ASIC1: variants seen among roughly 807,000 people sequenced by gnomAD.
The protein encoded by ASIC1 is acid-sensing ion channel 1.
In ASIC1, 21 loss-of-function variants were observed where a neutral mutation model predicts 63.4. That is an observed-to-expected ratio of 0.33 (90% CI 0.23 to 0.48). The LOEUF is 0.48. ASIC1 is among the 20% of genes least tolerant of loss of function. The pLI, the probability that ASIC1 is intolerant of heterozygous loss-of-function variation, is 0.99. For synonymous variants in ASIC1, 258 were observed against 278.2 expected (o/e 0.93, Z 0.72); for missense variants, 478 against 695.5 (o/e 0.69, Z 3.52).
At chr12:50,077,476 C>T (rs1006652956) in intron 4 of ASIC1, 113 bp downstream of exon 4, 11 of 1,409,402 alleles carry the variant, frequency 7.8e-6, no homozygotes, top group Non-Finnish European at 9.6e-6. Context: ...TCCCCTCTCC[C>T]TCCAGCATCT....
At chr12:50,061,815 C>T (rs905624299) in intron 3 of ASIC1, among the ~76,000 whole-genome samples, 4 of 152,182 alleles carry the variant, frequency 2.6e-5, no homozygotes, top group Non-Finnish European at 4.4e-5. Flanking sequence ...AATGGAGACA[C>T]TGAGATGTGA....
In ASIC1 at chr12:50,082,013, T is replaced by G; in HGVS notation, c.*364T>G. On this transcript the variant is annotated 3_prime_UTR_variant, in exon 12 of 12. Coordinates refer to ENST00000447966, the MANE Select transcript of ASIC1 (RefSeq NM_001095.4). ...TGCTGCCACCAGTCACCAAAGGCCC[T>G]TCCCAGTGAGGGGTGGAAGGGATCT... is the stretch of plus-strand genomic sequence containing the variant. 1 of 247,260 alleles carries G rather than the reference T, an allele frequency of 4.0e-6. No individual in the cohort carries two copies. The allele number at this position is 247,260 out of a possible 1,614,324, so 15.3% of individuals were successfully genotyped here.
At chr12:50,066,377 G>T (rs895281483) in intron 3 of ASIC1, among the ~76,000 whole-genome samples, 1 of 152,148 alleles carries the variant, frequency 6.6e-6, no homozygotes, top group Non-Finnish European at 1.5e-5. Flanking sequence ...AGTGTGTATG[G>T]AGGAGGGTGC....
Position 50,078,606 on chromosome 12 carries a change from T to C in ASIC1, c.994+29T>C, listed in dbSNP as rs1006932763. 4 of 1,612,344 alleles carry C rather than the reference T, an allele frequency of 2.5e-6. No homozygotes were observed. In the African/African-American group the frequency reaches 4.0e-5, roughly 16 times the overall value. ...AGGCCTGGGGCTCCGAGCATACTCCTGGGGTCCCTGGGCCTTTGCTGCCCT... is the reference window on the plus strand; with the variant it reads ...AGGCCTGGGGCTCCGAGCATACTCCCGGGGTCCCTGGGCCTTTGCTGCCCT... On this transcript the variant is annotated intron_variant, in intron 6 of 11. Coordinates refer to ENST00000447966, the MANE Select transcript of ASIC1 (RefSeq NM_001095.4). This position sits in a 1 kb window ranked among gnomAD's most constrained non-coding sequence, Gnocchi z 6.0.
At chr12:50,076,881 C>T (rs561633559) in intron 3 of ASIC1, 17 of 477,918 alleles carry the variant, frequency 3.6e-5, no homozygotes, top group Middle Eastern at 3.1e-4. Flanking sequence ...TACAGAGGGG[C>T]GAGGGCTGGG....
chr12:50,078,001 C>T lies in ASIC1; in HGVS notation c.711C>T (p.Asp237=), dbSNP rs199702396. The T allele has an allele frequency of 2.3e-4, 376 of 1,610,276 alleles. 1 individual carries two copies. The highest frequency in any genetic ancestry group is 3.3e-4 in the Middle Eastern group (2 of 6,040). Residue 237 remains aspartate (D), a splice_region_variant and synonymous_variant, in exon 5 of 12, where the codon GAC becomes GAT. Transcript: ENST00000447966. The surrounding 1 kb of genome is among the most constrained non-coding windows in gnomAD (Gnocchi z 6.0). ...CCCACACACTCCTCATTCCCCTAGA[C>T]GAGACGTCCTTCGAAGCAGGCATCA... ...DEYLPVWGET[D]ETSFEAGIKV...
In ASIC1 at chr12:50,067,105, T is replaced by G. The variant is rs559958094; in HGVS notation, c.558+7151T>G. On this transcript the variant is annotated intron_variant, in intron 3 of 11. Transcript: ENST00000447966. ...CTATGTATCGGTCTTTGTGCTAAGA[T>G]AAAAACTAAAACATGTGTCTCTCAA... 3.7e-3 allele frequency among the ~76,000 whole-genome samples: 125 copies of G among 33,462 alleles called. 1 individual carries two copies. Among genetic ancestry groups the G allele is most frequent in the Admixed American group, 0.033 (121 of 3,720 alleles). The allele number at this position is 33,462 out of a possible 152,430, so 22.0% of individuals were successfully genotyped here. A position where few individuals can be genotyped will look rare whatever the true frequency, so the allele number is the denominator to read the frequency against.
In ASIC1 at chr12:50,058,899, C is replaced by T; in HGVS notation, c.133C>T (p.Leu45=). 1 of 1,614,170 alleles carries T rather than the reference C, an allele frequency of 6.2e-7. No individual in the cohort carries two copies. The highest frequency in any genetic ancestry group is 8.5e-7 in the Non-Finnish European group (1 of 1,180,020). Residue 45 remains leucine (L), a synonymous_variant, in exon 2 of 12, where the codon CTG becomes TTG. Coordinates refer to ENST00000447966, the MANE Select transcript of ASIC1 (RefSeq NM_001095.4). ...CGAGCGGCTGTCTCTGAAGCGGGCA[C>T]TGTGGGCCCTGTGCTTCCTGGGCTC... The part of the protein sequence containing the change: ...SYERLSLKRA[L]WALCFLGSLA...
At chr12:50,064,611 G>C (rs1169278717) in intron 3 of ASIC1, among the ~76,000 whole-genome samples, 14 of 152,176 alleles carry the variant, frequency 9.2e-5, no homozygotes, top group African/African-American at 3.4e-4. Context: ...GCACCTCTAA[G>C]TCTTGGGACT....
intron 3 of ASIC1, among the ~76,000 whole-genome samples, chr12:50,060,386 A>T (rs1444197741): frequency 6.6e-6 from 1 of 152,192 alleles, no homozygotes. Flanking sequence ...CACTTCCCAA[A>T]CCTACTGAAC....
Position 50,066,533 on chromosome 12 carries a change from A to G in ASIC1, c.558+6579A>G, listed in dbSNP as rs139247892. Among the ~76,000 whole-genome samples the G allele has an allele frequency of 1.2e-4, 19 of 152,298 alleles. No homozygotes were observed. In the East Asian group the frequency reaches 3.7e-3, roughly 29 times the overall value. ...CATCATCAGGCCAAGTGCCAATCTTAGGTGAACCCACCACTGGCTTTCCCC... is the reference window on the plus strand; with the variant it reads ...CATCATCAGGCCAAGTGCCAATCTTGGGTGAACCCACCACTGGCTTTCCCC... On this transcript the variant is annotated intron_variant, in intron 3 of 11. Coordinates refer to ENST00000447966, the MANE Select transcript of ASIC1 (RefSeq NM_001095.4).
chr12:50,059,999 G>A lies in ASIC1; in HGVS notation c.558+45G>A, dbSNP rs1391114378. 4 of 1,599,080 alleles carry A rather than the reference G, an allele frequency of 2.5e-6. No individual in the cohort carries two copies. Among genetic ancestry groups the A allele is most frequent in the South Asian group, 2.2e-5 (2 of 90,628 alleles). ...GTGTGAGTCAGCCTGGCCCACAGAG[G>A]AGGAGGAGGAGACAAGGAGCAGGCT... On this transcript the variant is annotated intron_variant, in intron 3 of 11. Coordinates refer to ENST00000447966, the MANE Select transcript of ASIC1 (RefSeq NM_001095.4). The surrounding 1 kb of genome is among the most constrained non-coding windows in gnomAD (Gnocchi z 4.6).
chr12:50,063,903 A>G (rs1950523146), intron 3 of ASIC1, among the ~76,000 whole-genome samples: 1 of 152,036 alleles, frequency 6.6e-6, no homozygotes, highest in African/African-American at 2.4e-5. Flanking sequence ...TGCCCCATAG[A>G]AGCTCAGACC....
intron 3 of ASIC1, among the ~76,000 whole-genome samples, chr12:50,069,177 C>T (rs777278926): frequency 2.7e-5 from 4 of 150,128 alleles, no homozygotes; most frequent in African/African-American, 2.4e-5. Context: ...CAGCGGTAAG[C>T]GCTAGTGCGC....
At chr12:50,072,094 C>T (rs543041053) in intron 3 of ASIC1, among the ~76,000 whole-genome samples, 11 of 152,298 alleles carry the variant, frequency 7.2e-5, no homozygotes, top group African/African-American at 2.4e-4. Context: ...TCTGCTAGAA[C>T]CTGACACCCT....
intron 3 of ASIC1, among the ~76,000 whole-genome samples, chr12:50,070,477 G>C (rs1308208680): frequency 6.6e-6 from 1 of 152,040 alleles, no homozygotes; most frequent in African/African-American, 2.4e-5. Context: ...TAATGTGCAA[G>C]TGTGCAGTGT....
chr12:50,072,954 G>GTACC (rs1950614483), intron 3 of ASIC1, among the ~76,000 whole-genome samples: 1 of 152,160 alleles, frequency 6.6e-6, no homozygotes, highest in African/African-American at 2.4e-5. Flanking sequence ...GTCTGAGAGA[G>GTACC]TACCTGGTGG....
chr12:50,080,682 G>A, intron 9 of ASIC1, 93 bp downstream of exon 9: 1 of 1,614,142 alleles, frequency 6.2e-7, no homozygotes, highest in South Asian at 1.1e-5. Context: ...TCTGTCCCAT[G>A]AGGGTCCTCC....
rs1303440688 is a variant in ASIC1 at position 50,057,623 on chromosome 12, C to A, written c.-310C>A. On this transcript the variant is annotated 5_prime_UTR_variant, in exon 1 of 12. Transcript: ENST00000447966. The surrounding 1 kb of genome is among the most constrained non-coding windows in gnomAD (Gnocchi z 4.7). ...CCCTCCCCTCCCGCCGCCTCCCGGC[C>A]GGACGATGGATCCCTGCAGATCCCA... 1 of 152,140 alleles carries A rather than the reference C, an allele frequency of 6.6e-6. No homozygotes were observed. Among genetic ancestry groups the A allele is most frequent in the Non-Finnish European group, 1.5e-5 (1 of 68,070 alleles). The allele number at this position is 152,140 out of a possible 1,614,324, so 9.4% of individuals were successfully genotyped here. A position where few individuals can be genotyped will look rare whatever the true frequency, so the allele number is the denominator to read the frequency against.
Sources: allele counts gnomAD v4.1 joint callset (sites outside exome capture counted in the v4.1 genomes callset), GRCh38; gene constraint gnomAD v4.1.1; non-coding constraint Gnocchi (gnomAD v3.1); transcripts MANE v1.5; gene names NCBI Gene and HGNC (gene_info 2026-07-23, HGNC 2026-07-21).